SYNE2: variants seen among roughly 807,000 people sequenced by gnomAD.
The protein encoded by SYNE2 is spectrin repeat containing nuclear envelope protein 2, also known as nesprin-2.
Under a neutral mutation model 856.3 loss-of-function variants are expected in SYNE2, and 431 were observed. The ratio of observed to expected loss-of-function variants is 0.50; its 90% CI spans 0.47 to 0.55. The LOEUF (loss-of-function observed/expected upper bound fraction) is 0.55, where lower values mean the gene tolerates loss of function less well. Among genes scored for constraint, SYNE2 ranks in the 20% least tolerant of loss-of-function variants. The probability of loss-of-function intolerance (pLI) is 0.00; values close to 1 mark genes in which losing one functional copy is unlikely to be tolerated. For missense variants in SYNE2, 8,129 were observed against 8,023.2 expected, an observed-to-expected ratio of 1.01 and a Z score of -0.50; for synonymous variants, 2,923 against 2,872.3, an observed-to-expected ratio of 1.02 and a Z score of -0.56.
intron 1 of SYNE2, among the ~76,000 whole-genome samples, chr14:63,811,433 A>G (rs1204794747): frequency 5.9e-5 from 9 of 151,514 alleles, no homozygotes; most frequent in African/African-American, 1.2e-4. Flanking sequence ...TTTTTTTTGT[A>G]CTTTTCTTTT....
chr14:63,940,501 T>G, intron 2 of SYNE2, 113 bp from the exon 3 acceptor site: 1 of 957,472 alleles, frequency 1.0e-6, no homozygotes, highest in Non-Finnish European at 1.7e-6. Flanking sequence ...GGAAAGTTTG[T>G]AAGCTTGTGA....
At chr14:63,794,158 T>C (rs755427509) in intron 1 of SYNE2, among the ~76,000 whole-genome samples, 15 of 152,304 alleles carry the variant, frequency 9.8e-5, no homozygotes, top group Non-Finnish European at 1.6e-4. Context: ...AGAAATACAA[T>C]TCAACAATAA....
At position 63,967,689 on chromosome 14, in the gene SYNE2, A is replaced by G. The variant is rs778810386; in HGVS notation, c.991-20A>G. On this transcript the variant is annotated intron_variant, in intron 10 of 115. Transcript: ENST00000555002. Reference sequence around the variant, plus strand: ...TGGAATTAAACATTTTCAATCTTTAAAATACTCTTCTAATTGCAGAGCCTG... The same window carrying G: ...TGGAATTAAACATTTTCAATCTTTAGAATACTCTTCTAATTGCAGAGCCTG... The G allele has an allele frequency of 1.2e-6, 2 of 1,612,442 alleles. No homozygotes were observed. The highest frequency in any genetic ancestry group is 1.7e-6 in the Non-Finnish European group (2 of 1,178,814).
intron 99 of SYNE2, among the ~76,000 whole-genome samples, chr14:64,191,581 G>A (rs1244808256): frequency 6.6e-6 from 1 of 152,226 alleles, no homozygotes; most frequent in African/African-American, 2.4e-5. Flanking sequence ...CATAGGAGAT[G>A]AGCTAGAAAG....
chr14:63,849,354 T>C (rs1890331698), upstream of SYNE2, among the ~76,000 whole-genome samples: 1 of 151,878 alleles, frequency 6.6e-6, no homozygotes, highest in Non-Finnish European at 1.5e-5. Context: ...TAATGAATAT[T>C]ATACCTGCTT....
Position 64,053,085 on chromosome 14 carries a change from A to G in SYNE2, c.9172A>G (p.Ile3058Val). 3 of 1,614,124 alleles carry G rather than the reference A, an allele frequency of 1.9e-6. No homozygotes were observed. The highest frequency in any genetic ancestry group is 1.7e-6 in the Non-Finnish European group (2 of 1,180,006). The stretch of plus-strand genomic sequence containing the variant: ...GGCATTATTAAGTAAAATGAGAGCT[A>G]TTGATTTGCAAATTAAGAAAATGAC... ...YQALLSKMRA[I>V]DLQIKKMTEV... is the part of the protein sequence containing the mutation. The change falls in exon 48 of 116, where the codon ATT (isoleucine) becomes GTT (valine). Residue 3058 changes from isoleucine (I) to valine (V), a missense_variant. Physicochemically the swap from Ile to Val is conservative, Grantham distance 29. Transcript: ENST00000555002.
intron 49 of SYNE2, among the ~76,000 whole-genome samples, chr14:64,056,801 G>A (rs2097274311): frequency 6.6e-6 from 1 of 151,980 alleles, no homozygotes; most frequent in Non-Finnish European, 1.5e-5. Flanking sequence ...CTCCCGAGTA[G>A]CTGGGATTAC....
intron 8 of SYNE2, among the ~76,000 whole-genome samples, chr14:63,959,483 A>T (rs760376848): frequency 1.3e-5 from 2 of 151,352 alleles, no homozygotes; most frequent in Non-Finnish European, 2.9e-5. Flanking sequence ...TTTTTAGTAG[A>T]GAGGGGGTTT....
intron 6 of SYNE2, among the ~76,000 whole-genome samples, chr14:63,948,739 G>GTAT (rs1566883369): frequency 2.0e-4 from 20 of 102,244 alleles, no homozygotes; most frequent in East Asian, 8.4e-4. Flanking sequence ...TATGTGTATA[G>GTAT]ATATGTGTGT....
At chr14:63,771,378 A>G (rs1225810879) in intron 1 of SYNE2, among the ~76,000 whole-genome samples, 1 of 151,616 alleles carries the variant, frequency 6.6e-6, no homozygotes, top group East Asian at 1.9e-4. Context: ...CCCCTTATAC[A>G]CTCTTGATGT....
At chr14:64,102,404 A>G (rs142508301) in intron 64 of SYNE2, among the ~76,000 whole-genome samples, 2 of 152,214 alleles carry the variant, frequency 1.3e-5, no homozygotes, top group East Asian at 3.9e-4. Context: ...TAAACCTTTA[A>G]AATGCCCATT....
intron 105 of SYNE2, among the ~76,000 whole-genome samples, chr14:64,213,368 C>T (rs1367804259): frequency 6.6e-6 from 1 of 152,206 alleles, no homozygotes; most frequent in Non-Finnish European, 1.5e-5. Flanking sequence ...GCCCTTCCCT[C>T]TTTCTTAGAG....
chr14:64,210,918 T>TCTGTCTCTCTCTCCCTTC (rs966422951), intron 103 of SYNE2, among the ~76,000 whole-genome samples: 2 of 152,126 alleles, frequency 1.3e-5, no homozygotes, highest in Non-Finnish European at 2.9e-5. Context: ...TGCATTTCTT[T>TCTGTCTCTCTCTCCCTTC]CTGTCTCTCT....
At chr14:64,014,855 T>G (rs145451292) in intron 32 of SYNE2, among the ~76,000 whole-genome samples, 1 of 149,292 alleles carries the variant, frequency 6.7e-6, no homozygotes, top group Non-Finnish European at 1.5e-5. Context: ...GTGGGTTACA[T>G]TGATTGATTT....
Position 64,159,304 on chromosome 14 carries a change from T to A in SYNE2, c.15964-8T>A. 1.2e-6 allele frequency: 2 copies of A among 1,613,828 alleles called. No individual in the cohort carries two copies. The highest frequency in any genetic ancestry group is 3.3e-4 in the Middle Eastern group (2 of 6,058). ...CTGAAACTTAAATTTCTTGTTTGTG[T>A]CTCTTAGTCTCTGCAAGATGAAGCT... On this transcript the variant is annotated splice_region_variant and splice_polypyrimidine_tract_variant and intron_variant, in intron 86 of 115. Transcript: ENST00000555002.
At chr14:63,783,122 G>A (rs113105592) in intron 1 of SYNE2, among the ~76,000 whole-genome samples, 2,161 of 152,136 alleles carry the variant, frequency 0.014, 33 homozygotes, top group South Asian at 0.077. Flanking sequence ...GGGAGAGACC[G>A]GGTGGAGGTA....
At position 64,022,853 on chromosome 14, in the gene SYNE2, A is replaced by G. The variant is rs2096946484; in HGVS notation, c.5627A>G (p.Gln1876Arg). 6.3e-7 allele frequency: 1 copy of G among 1,582,662 alleles called. No individual in the cohort carries two copies. Among genetic ancestry groups the G allele is most frequent in the Non-Finnish European group, 8.7e-7 (1 of 1,152,776 alleles). Reference sequence around the variant, plus strand: ...AAAAAGAGTGTGGAACAAAAGCTACAAAAACTTTCTGTAAGAGATATATGT... The same window carrying G: ...AAAAAGAGTGTGGAACAAAAGCTACGAAAACTTTCTGTAAGAGATATATGT... The part of the protein sequence containing the change: ...ETKKSVEQKL[Q>R]KLSDFLTLEG... The change falls in exon 38 of 116, where the codon CAA becomes CGA. Residue 1876 changes from glutamine (Q) to arginine (R), a missense_variant. Gln to Arg is a conservative substitution (Grantham distance 43). Around this residue, in one of 3 missense-constraint regions of SYNE2, gnomAD observed 2,422 missense variants for 2,357.4 expected, o/e 1.03. Coordinates refer to ENST00000555002, the MANE Select transcript of SYNE2 (RefSeq NM_182914.3).
chr14:63,806,691 C>A (rs1335790148), intron 1 of SYNE2, among the ~76,000 whole-genome samples: 1 of 151,852 alleles, frequency 6.6e-6, no homozygotes, highest in Admixed American at 6.6e-5. Flanking sequence ...TTTTTGAGGG[C>A]TTTTTGTATT....
At position 63,949,849 on chromosome 14, in the gene SYNE2, T is replaced by C. The variant is rs2096122665; in HGVS notation, c.433T>C (p.Ser145Pro). ...GATTGAGAAGCTTGCCCAGACTCTT[T>C]CTTGCAATTACAATCAGCCTTCCCT... ...FHIEKLAQTL[S>P]CNYNQPSLDD... Residue 145 changes from serine (S) to proline (P), a missense_variant, in exon 7 of 116, where the codon TCT (serine) becomes CCT (proline). Coordinates refer to ENST00000555002, the MANE Select transcript of SYNE2 (RefSeq NM_182914.3). The C allele has an allele frequency of 6.2e-7, 1 of 1,614,160 alleles. No individual in the cohort carries two copies. The highest frequency in any genetic ancestry group is 8.5e-7 in the Non-Finnish European group (1 of 1,180,004).
Sources: allele counts gnomAD v4.1 joint callset (sites outside exome capture counted in the v4.1 genomes callset), GRCh38; gene constraint gnomAD v4.1.1; regional missense constraint gnomAD v4.1.1; transcripts MANE v1.5; gene names NCBI Gene and HGNC (gene_info 2026-07-23, HGNC 2026-07-21).